The following SRGAP2 variants were observed in gnomAD, a reference collection of about 807,000 sequenced individuals.
SRGAP2 encodes SLIT-ROBO Rho GTPase activating protein 2, also known as SLIT-ROBO Rho GTPase-activating protein 2.
In SRGAP2, 15 loss-of-function variants were observed where a neutral mutation model predicts 57.2. The observed-to-expected ratio is 0.26, with a 90% CI of 0.18 to 0.40. The LOEUF (loss-of-function observed/expected upper bound fraction) is 0.40, where lower values mean the gene tolerates loss of function less well. SRGAP2 is among the 10% of genes least tolerant of loss of function. The probability of loss-of-function intolerance (pLI) is 1.00; values close to 1 mark genes in which losing one functional copy is unlikely to be tolerated. For synonymous variants in SRGAP2, 249 were observed against 248.0 expected, an observed-to-expected ratio of 1.00 and a Z score of -0.04; for missense variants, 520 against 669.6, an observed-to-expected ratio of 0.78 and a Z score of 2.47.
chr1:206,424,819 C>T (rs895821374), intron 13 of SRGAP2, among the ~76,000 whole-genome samples: 4 of 152,156 alleles, frequency 2.6e-5, no homozygotes, highest in African/African-American at 9.7e-5. Context: ...ATGGCAGGAG[C>T]GTTCAAAGCC....
chr1:206,364,982 TAAGC>T (rs1288089503), intron 4 of SRGAP2, among the ~76,000 whole-genome samples: 2 of 109,800 alleles, frequency 1.8e-5, no homozygotes, highest in African/African-American at 7.3e-5. Context: ...AGAGAGAAAA[TAAGC>T]AAGCCGGCAA....
chr1:206,325,992 A>G (rs1673849513), intron 3 of SRGAP2, among the ~76,000 whole-genome samples: 1 of 151,716 alleles, frequency 6.6e-6, no homozygotes, highest in Non-Finnish European at 1.5e-5. Flanking sequence ...TCTCTTTTGC[A>G]TTTATGAACC....
intron 4 of SRGAP2, among the ~76,000 whole-genome samples, chr1:206,369,809 T>C (rs1654359250): frequency 6.6e-6 from 1 of 152,176 alleles, no homozygotes; most frequent in Non-Finnish European, 1.5e-5. Context: ...GCTGGTAAGA[T>C]TGTGAAATGG....
intron 18 of SRGAP2, among the ~76,000 whole-genome samples, 180 bp downstream of exon 18, chr1:206,446,479 A>C (rs1230342999): frequency 6.6e-6 from 1 of 152,192 alleles, no homozygotes; most frequent in African/African-American, 2.4e-5. Flanking sequence ...CACAGACTAA[A>C]TGCCACTTCT....
intron 13 of SRGAP2, among the ~76,000 whole-genome samples, chr1:206,428,938 GC>G (rs1661047683): frequency 6.6e-6 from 1 of 152,068 alleles, no homozygotes; most frequent in Non-Finnish European, 1.5e-5. Context: ...GTGAGCGACC[GC>G]ACCTGGCCTC....
rs782084194 is a variant in SRGAP2, at chr1:206,458,667, G to A, written c.2552G>A (p.Arg851Gln). 5.2e-6 allele frequency: 4 copies of A among 771,970 alleles called. No homozygotes were observed. The highest frequency in any genetic ancestry group is 1.4e-5 in the South Asian group (1 of 73,722). 47.8% of individuals were successfully genotyped at this position (771,970 alleles called of 1,614,324 possible). Residue 851 changes from arginine (R) to glutamine (Q), a missense_variant, in exon 22 of 23, where the codon CGG becomes CAG. Transcript: ENST00000573034. Reference protein sequence around the residue: ...PESGSIRKTFRSDSHGLSSSL... With the variant: ...PESGSIRKTFQSDSHGLSSSL... ...TCTGGGAGCATCCGGAAAACTTTTC[G>A]GAGTGACAGCCATGGGCTGAGCAGT...
At chr1:206,212,409 A>T (rs545806171) in intron 2 of SRGAP2, among the ~76,000 whole-genome samples, 1,116 of 102,380 alleles carry the variant, frequency 0.011, 30 homozygotes, top group African/African-American at 0.04. Flanking sequence ...TTTTTTTTTT[A>T]AAAGGTACAC....
At chr1:206,239,456 GT>G (rs1285259284) in intron 2 of SRGAP2, among the ~76,000 whole-genome samples, 2 of 151,954 alleles carry the variant, frequency 1.3e-5, no homozygotes, top group African/African-American at 2.4e-5. Flanking sequence ...TAAAAGAAAA[GT>G]TTTTTTTCTT....
At chr1:206,452,901 AAAAAAAAAT>A (rs1194027859) in intron 19 of SRGAP2, among the ~76,000 whole-genome samples, 1 of 151,304 alleles carries the variant, frequency 6.6e-6, no homozygotes, top group African/African-American at 2.4e-5. Flanking sequence ...AAAAAAAAAA[AAAAAAAAAT>A]GGGATGCTTG....
intron 11 of SRGAP2, among the ~76,000 whole-genome samples, chr1:206,416,329 C>G (rs1659698895): frequency 6.6e-6 from 1 of 152,176 alleles, no homozygotes; most frequent in Non-Finnish European, 1.5e-5. Flanking sequence ...TGAGGCAGCA[C>G]TGAGACTGGA....
At chr1:206,458,353 A>C (rs1214343004) in intron 21 of SRGAP2, 10 of 639,314 alleles carry the variant, frequency 1.6e-5, no homozygotes, top group Non-Finnish European at 2.7e-5. Context: ...TCGCTTAATC[A>C]GACATTTTTT....
At chr1:206,418,541 T>C (rs1336372828) in intron 11 of SRGAP2, among the ~76,000 whole-genome samples, 7 of 152,246 alleles carry the variant, frequency 4.6e-5, no homozygotes, top group African/African-American at 1.7e-4. Flanking sequence ...CTAAAACAGA[T>C]TGAGCTTCAT....
intron 14 of SRGAP2, among the ~76,000 whole-genome samples, chr1:206,433,943 C>G (rs1311490538): frequency 1.3e-5 from 2 of 152,102 alleles, no homozygotes; most frequent in Non-Finnish European, 2.9e-5. Context: ...GATTTTTTAA[C>G]AATTGAGCAC....
intron 11 of SRGAP2, 138 bp downstream of exon 11, chr1:206,416,111 G>A: frequency 1.6e-6 from 1 of 608,920 alleles, no homozygotes; most frequent in Non-Finnish European, 2.9e-6. Flanking sequence ...CTTGTTGGAT[G>A]TGGAAGCACA....
chr1:206,238,560 T>C (rs1470849706), intron 2 of SRGAP2, among the ~76,000 whole-genome samples: 2 of 74,336 alleles, frequency 2.7e-5, no homozygotes, highest in Non-Finnish European at 5.2e-5. Flanking sequence ...TTTGTTTTCA[T>C]AGTGCTGCTT....
intron 2 of SRGAP2, among the ~76,000 whole-genome samples, chr1:206,244,766 C>T (rs1254925171): frequency 2.0e-5 from 3 of 152,106 alleles, no homozygotes; most frequent in Non-Finnish European, 4.4e-5. Flanking sequence ...CTTCAGCCAC[C>T]TCAAAAGAGG....
At chr1:206,342,107 G>C (rs1465915189) in intron 3 of SRGAP2, among the ~76,000 whole-genome samples, 1 of 152,108 alleles carries the variant, frequency 6.6e-6, no homozygotes, top group East Asian at 1.9e-4. Context: ...GATTGTATGG[G>C]ACATGAGATC....
chr1:206,303,875 C>G (rs1672017305), intron 3 of SRGAP2, among the ~76,000 whole-genome samples: 1 of 43,244 alleles, frequency 2.3e-5, no homozygotes, highest in African/African-American at 1.1e-4. Flanking sequence ...CTCTGTCTCT[C>G]TCTCTCTCTC....
chr1:206,246,978 C>A (rs1321992081), intron 2 of SRGAP2, among the ~76,000 whole-genome samples: 2 of 138,178 alleles, frequency 1.4e-5, no homozygotes, highest in Admixed American at 1.4e-4. Context: ...TCATTTTCCT[C>A]GGATCCACAA....
Sources: gnomAD v4.1 joint callset for allele counts (sites outside exome capture counted in the v4.1 genomes callset) on GRCh38, gnomAD v4.1.1 for gene constraint, MANE v1.5 for transcripts, NCBI Gene and HGNC (gene_info 2026-07-23, HGNC 2026-07-21) for gene names.